Variants in SYTL1 observed in about 807,000 individuals in gnomAD.
SYTL1 encodes synaptotagmin-like protein 1.
In SYTL1, 53 loss-of-function variants were observed where a neutral mutation model predicts 74.6. The observed-to-expected ratio is 0.71, with a 90% confidence interval of 0.57 to 0.89. The LOEUF is 0.89. Ranked by LOEUF, SYTL1 falls within the 40% of genes least tolerant of loss-of-function variation. The pLI is 0.00. For synonymous variants in SYTL1, 329 were observed against 324.9 expected (o/e 1.01, Z -0.14); for missense variants, 728 against 768.7 (o/e 0.95, Z 0.63).
chr1:27,353,689 C>A, intron 14 of SYTL1, 24 bp from the exon 15 acceptor site: 2 of 1,606,440 alleles, frequency 1.2e-6, no homozygotes, highest in Non-Finnish European at 8.5e-7. Context: ...ATCATGCCCT[C>A]AACCCCTGCC....
chr1:27,346,920 C>A (rs1031207949), intron 2 of SYTL1, among the ~76,000 whole-genome samples: 15 of 152,032 alleles, frequency 9.9e-5, no homozygotes, highest in African/African-American at 3.4e-4. Flanking sequence ...GAGTTAGAGA[C>A]CAGCCTGGGC....
At chr1:27,349,246 C>G in intron 6 of SYTL1, 94 bp downstream of exon 6, 1 of 1,501,388 alleles carries the variant, frequency 6.7e-7, no homozygotes, top group Non-Finnish European at 9.0e-7. Flanking sequence ...CCCTCGTCAC[C>G]CCCACTCCCA....
chr1:27,348,760 T>C lies in SYTL1; in HGVS notation c.460-320T>C, dbSNP rs2015107401. 6.6e-6 allele frequency among the ~76,000 whole-genome samples: 1 copy of C among 151,982 alleles called. No homozygotes were observed. Among genetic ancestry groups the C allele is most frequent in the African/African-American group, 2.4e-5 (1 of 41,374 alleles). Reference sequence around the variant, plus strand: ...AAAAAGAAAAAAGGTTGTCTACCAATGGGTCAATATAAAAAATAAAAATAA... The same window carrying C: ...AAAAAGAAAAAAGGTTGTCTACCAACGGGTCAATATAAAAAATAAAAATAA... On this transcript the variant is annotated intron_variant, in intron 5 of 14. Coordinates refer to ENST00000616558, the MANE Select transcript of SYTL1 (RefSeq NM_001193308.2). This position sits in a 1 kb window ranked among gnomAD's most constrained non-coding sequence, Gnocchi z 4.1.
At chr1:27,349,890 C>T in intron 8 of SYTL1, 82 bp from the exon 9 acceptor site, 1 of 1,539,570 alleles carries the variant, frequency 6.5e-7, no homozygotes. Flanking sequence ...ACCTATGACC[C>T]GGGTCTGAAG....
rs757621661 is a variant in SYTL1 at position 27,348,063 on chromosome 1, A to G, written c.459+51A>G. 9 of 1,581,280 alleles carry G rather than the reference A, an allele frequency of 5.7e-6. No individual in the cohort carries two copies. The highest frequency in any genetic ancestry group is 7.8e-6 in the Non-Finnish European group (9 of 1,150,394). On this transcript the variant is annotated intron_variant, in intron 5 of 14. Coordinates refer to ENST00000616558, the MANE Select transcript of SYTL1 (RefSeq NM_001193308.2). The surrounding 1 kb of genome is among the most constrained non-coding windows in gnomAD (Gnocchi z 4.1). ...TACAGTGTCCCTGGAGGGGAGGTGG[A>G]ATGTGCAGGGGGCAGGGGGGAAAGA...
chr1:27,349,837 C>T (rs2015174021), intron 8 of SYTL1, 72 bp downstream of exon 8: 1 of 1,540,064 alleles, frequency 6.5e-7, no homozygotes, highest in African/African-American at 1.4e-5. Context: ...CTGCCTGCCC[C>T]TCCCTCGCCG....
chr1:27,351,539 G>A lies in SYTL1; in HGVS notation c.1327G>A (p.Asp443Asn). The part of the protein sequence containing the change: ...DLLPLRAGSL[D>N]TYVQCFVLPD... ...CCTGCCGCTGCGGGCAGGATCCCTG[G>A]ACACTTACGTACAATGGTGAGGAGT... The change falls in exon 13 of 15, where the codon GAC (aspartate) becomes AAC (asparagine). Residue 443 changes from aspartate (D) to asparagine (N), a missense_variant. By Grantham distance (23) the Asp-to-Asn change is conservative (BLOSUM62 1). Transcript: ENST00000616558. The surrounding 1 kb of genome is among the most constrained non-coding windows in gnomAD (Gnocchi z 5.0). The A allele has an allele frequency of 6.5e-7, 1 of 1,547,680 alleles. No homozygotes were observed. The highest frequency in any genetic ancestry group is 8.7e-7 in the Non-Finnish European group (1 of 1,145,438).
chr1:27,344,578 G>A (rs868193410), intron 1 of SYTL1, among the ~76,000 whole-genome samples: 29 of 149,584 alleles, frequency 1.9e-4, no homozygotes, highest in South Asian at 6.4e-4. Context: ...AGGGCCGGGC[G>A]TGGTGGCTCA....
Position 27,349,047 on chromosome 1 carries a change from C to T in SYTL1, c.460-33C>T, listed in dbSNP as rs747927905. The T allele has an allele frequency of 3.2e-6, 5 of 1,552,716 alleles. No homozygotes were observed. The African/African-American group carries it at 6.8e-5, about 21-fold the overall frequency. ...CTTTGACCTCTTCCTCACCAGCCCC[C>T]GTACTGTGACCTCTACCCCTTTCTT... On this transcript the variant is annotated intron_variant, in intron 5 of 14. Transcript: ENST00000616558.
chr1:27,352,482 C>CATTATTATT (rs60015668), intron 13 of SYTL1: 13 of 150,240 alleles, frequency 8.7e-5, no homozygotes, highest in Non-Finnish European at 1.6e-4. Flanking sequence ...GGAGTTGTAA[C>CATTATTATT]ATTATTATTA....
chr1:27,350,055 G>C lies in SYTL1; in HGVS notation c.831G>C (p.Glu277Asp). ...RGSVHFALHY[E>D]PGAAELRVHV... ...CCGTGCACTTCGCGCTGCACTACGA[G>C]CCGGGCGCCGCCGAGCTGCGCGTGC... The change falls in exon 9 of 15, where the codon GAG (glutamate) becomes GAC (aspartate). Residue 277 changes from glutamate (E) to aspartate (D), a missense_variant. Glu to Asp is a conservative substitution (Grantham distance 45). Transcript: ENST00000616558. The surrounding 1 kb of genome is among the most constrained non-coding windows in gnomAD (Gnocchi z 6.3). 6.6e-7 allele frequency: 1 copy of C among 1,510,846 alleles called. No homozygotes were observed. The allele number at this position is 1,510,846 out of a possible 1,614,324, so 93.6% of individuals were successfully genotyped here. A position where few individuals can be genotyped will look rare whatever the true frequency, so the allele number is the denominator to read the frequency against.
rs2015230859 is a variant in SYTL1, at chr1:27,350,747, C to T, written c.1006-47C>T. ...CCTCAGCCAACTCGCGCAGCATCTA[C>T]GCGGGCCACCAGCAGTGCTCCACTA... On this transcript the variant is annotated intron_variant, in intron 10 of 14. Transcript: ENST00000616558. This position sits in a 1 kb window ranked among gnomAD's most constrained non-coding sequence, Gnocchi z 6.3. The T allele has an allele frequency of 1.3e-6, 2 of 1,598,412 alleles. No individual in the cohort carries two copies. The highest frequency in any genetic ancestry group is 4.5e-5 in the East Asian group (2 of 44,574).
Position 27,342,237 on chromosome 1 carries a change from TG to T in SYTL1, c.-39+91del. The T allele has an allele frequency of 6.2e-6, 4 of 644,806 alleles. No individual in the cohort carries two copies. Among genetic ancestry groups the T allele is most frequent in the Non-Finnish European group, 7.7e-6 (4 of 519,070 alleles). 39.9% of individuals were successfully genotyped at this position (644,806 alleles called of 1,614,324 possible). ...GTATCCTGAGCACCCTCCAGCACCT[TG>T]GGGTTGGGGGAGGTGGGCACATGTC... On this transcript the variant is annotated intron_variant, in intron 1 of 14. Transcript: ENST00000616558. The surrounding 1 kb of genome is among the most constrained non-coding windows in gnomAD (Gnocchi z 4.7).
Position 27,350,534 on chromosome 1 carries a change from C to G in SYTL1, c.1005+49C>G, listed in dbSNP as rs748920824. On this transcript the variant is annotated intron_variant, in intron 10 of 14. Coordinates refer to ENST00000616558, the MANE Select transcript of SYTL1 (RefSeq NM_001193308.2). The surrounding 1 kb of genome is among the most constrained non-coding windows in gnomAD (Gnocchi z 6.3). ...TTCCCCGTTAATGAACTGGACGCCC[C>G]CTTCCTGCGGGGCTAGGTGGCAAGG... The G allele has an allele frequency of 2.0e-6, 3 of 1,504,540 alleles. No individual in the cohort carries two copies. The highest frequency in any genetic ancestry group is 1.8e-6 in the Non-Finnish European group (2 of 1,091,706). 93.2% of individuals were successfully genotyped at this position (1,504,540 alleles called of 1,614,324 possible).
chr1:27,348,523 C>T lies in SYTL1; in HGVS notation c.459+511C>T, dbSNP rs901066824. 2.0e-5 allele frequency among the ~76,000 whole-genome samples: 3 copies of T among 152,108 alleles called. No homozygotes were observed. Among genetic ancestry groups the T allele is most frequent in the African/African-American group, 7.2e-5 (3 of 41,412 alleles). ...AGGAGCTCAAGACCAGCCTGACTAA[C>T]ATGGAGAAACCCCATCTCTACTAAA... is the stretch of plus-strand genomic sequence containing the variant. On this transcript the variant is annotated intron_variant, in intron 5 of 14. Transcript: ENST00000616558. This position sits in a 1 kb window ranked among gnomAD's most constrained non-coding sequence, Gnocchi z 4.1.
chr1:27,349,110 C>G lies in SYTL1; in HGVS notation c.490C>G (p.Leu164Val). The G allele has an allele frequency of 6.2e-7, 1 of 1,614,110 alleles. No homozygotes were observed. The highest frequency in any genetic ancestry group is 1.1e-5 in the South Asian group (1 of 91,078). ...GPDFPSPSVP[L>V]KASDPEEASQ... is the part of the protein sequence containing the mutation. ...TGATTTCCCATCGCCTTCTGTCCCCCTAAAGGCTTCAGATCCTGAGGAGGC... is the reference window on the plus strand; with the variant it reads ...TGATTTCCCATCGCCTTCTGTCCCCGTAAAGGCTTCAGATCCTGAGGAGGC... The change falls in exon 6 of 15, where the codon CTA becomes GTA. Residue 164 changes from leucine to valine, a missense_variant. Coordinates refer to ENST00000616558, the MANE Select transcript of SYTL1 (RefSeq NM_001193308.2).
In SYTL1 at chr1:27,343,438, G is replaced by C. The variant is rs2014860442; in HGVS notation, c.-39+1288G>C. ...GGGTTGGAGGCCTCCGTGGGAGTGG[G>C]TGCGGCAGTTACCTCAGGAGAGGAA... On this transcript the variant is annotated intron_variant, in intron 1 of 14. Transcript: ENST00000616558. The surrounding 1 kb of genome is among the most constrained non-coding windows in gnomAD (Gnocchi z 5.2). 1.3e-5 allele frequency among the ~76,000 whole-genome samples: 2 copies of C among 152,136 alleles called. No homozygotes were observed. The highest frequency in any genetic ancestry group is 2.9e-5 in the Non-Finnish European group (2 of 68,018).
At position 27,345,585 on chromosome 1, in the gene SYTL1, C is replaced by A; in HGVS notation, c.191+60C>A. On this transcript the variant is annotated intron_variant, in intron 2 of 14. Transcript: ENST00000616558. The surrounding 1 kb of genome is among the most constrained non-coding windows in gnomAD (Gnocchi z 6.0). ...AGAGGCTTGAGTGGCCCCCATCCTGCTCCCTACCGACACCACTGCCTGTCA... is the reference window on the plus strand; with the variant it reads ...AGAGGCTTGAGTGGCCCCCATCCTGATCCCTACCGACACCACTGCCTGTCA... 8.4e-7 allele frequency: 1 copy of A among 1,195,304 alleles called. No individual in the cohort carries two copies. The highest frequency in any genetic ancestry group is 1.2e-6 in the Non-Finnish European group (1 of 856,984). 74.0% of individuals were successfully genotyped at this position (1,195,304 alleles called of 1,614,324 possible).
chr1:27,346,383 CTACG>C (rs1477483483), intron 2 of SYTL1, among the ~76,000 whole-genome samples: 2 of 152,206 alleles, frequency 1.3e-5, no homozygotes, highest in Non-Finnish European at 2.9e-5. Context: ...CACTTCCTAG[CTACG>C]TAGCCTTGGC....
Sources: allele counts gnomAD v4.1 joint callset (sites outside exome capture counted in the v4.1 genomes callset), GRCh38; gene constraint gnomAD v4.1.1; non-coding constraint Gnocchi (gnomAD v3.1); transcripts MANE v1.5; gene names NCBI Gene and HGNC (gene_info 2026-07-23, HGNC 2026-07-21).